LRTM2: variants seen among roughly 807,000 people sequenced by gnomAD.
LRTM2 encodes the protein leucine-rich repeat and transmembrane domain-containing protein 2.
A neutral mutation model predicts 28.1 loss-of-function variants in LRTM2; 18 were observed. That is an observed-to-expected ratio of 0.64 (90% CI 0.44 to 0.95). LRTM2 has a LOEUF of 0.95. Ranked by LOEUF, LRTM2 falls within the 40% of genes least tolerant of loss-of-function variation. LRTM2 has a pLI of 0.00. For missense variants in LRTM2, 436 were observed against 497.2 expected, an observed-to-expected ratio of 0.88 and a Z score of 1.17; for synonymous variants, 250 against 218.7, an observed-to-expected ratio of 1.14 and a Z score of -1.26.
chr12:1,830,526 C>A (rs1864574493), intron 3 of LRTM2, among the ~76,000 whole-genome samples: 1 of 152,200 alleles, frequency 6.6e-6, no homozygotes, highest in Admixed American at 6.5e-5. Context: ...GTTTCTCTGA[C>A]AACCTTATCT....
chr12:1,830,895 T>C, intron 3 of LRTM2, 40 bp from the exon 4 acceptor site: 1 of 1,518,694 alleles, frequency 6.6e-7, no homozygotes, highest in South Asian at 1.2e-5. Context: ...TGGTGACCCG[T>C]CCTATTGCTT....
chr12:1,828,121 C>T lies in LRTM2; in HGVS notation c.-28C>T, dbSNP rs1223230404. 1 of 1,511,320 alleles carries T rather than the reference C, an allele frequency of 6.6e-7. No individual in the cohort carries two copies. Among genetic ancestry groups the T allele is most frequent in the Non-Finnish European group, 8.9e-7 (1 of 1,126,954 alleles). 93.6% of individuals were successfully genotyped at this position (1,511,320 alleles called of 1,614,324 possible). A position where few individuals can be genotyped will look rare whatever the true frequency, so the allele number is the denominator to read the frequency against. On this transcript the variant is annotated 5_prime_UTR_variant, in exon 3 of 5. Coordinates refer to ENST00000299194, the MANE Select transcript of LRTM2 (RefSeq NM_001039029.3). This position sits in a 1 kb window ranked among gnomAD's most constrained non-coding sequence, Gnocchi z 4.2. Reference sequence around the variant, plus strand: ...AGGGGCTCCTCTCTCCCCAGAGCGACAGGGCCCGGAGAGCCGTGGGCCTCA... The same window carrying T: ...AGGGGCTCCTCTCTCCCCAGAGCGATAGGGCCCGGAGAGCCGTGGGCCTCA...
At position 1,834,163 on chromosome 12, in the gene LRTM2, A is replaced by G; in HGVS notation, c.659-104A>G. ...TTCCAGGATTGACTACATTGCTGAT[A>G]AAAACTACCTTCTGGGGCTTCCGTT... On this transcript the variant is annotated intron_variant, in intron 4 of 4. Transcript: ENST00000299194. The surrounding 1 kb of genome is among the most constrained non-coding windows in gnomAD (Gnocchi z 7.6). 1 of 1,347,264 alleles carries G rather than the reference A, an allele frequency of 7.4e-7. No homozygotes were observed. Among genetic ancestry groups the G allele is most frequent in the African/African-American group, 1.5e-5 (1 of 68,308 alleles). The allele number at this position is 1,347,264 out of a possible 1,614,324, so 83.5% of individuals were successfully genotyped here.
Position 1,836,073 on chromosome 12 carries a change from C to T in LRTM2, c.*1352C>T, listed in dbSNP as rs969571566. 2 of 152,252 alleles carry T rather than the reference C, an allele frequency of 1.3e-5. No homozygotes were observed. Among genetic ancestry groups the T allele is most frequent in the Non-Finnish European group, 2.9e-5 (2 of 68,058 alleles). 9.4% of individuals were successfully genotyped at this position (152,252 alleles called of 1,614,324 possible). A position where few individuals can be genotyped will look rare whatever the true frequency, so the allele number is the denominator to read the frequency against. The stretch of plus-strand genomic sequence containing the variant: ...TGGCCACGTGCTGCCCAGAGGCTCC[C>T]AGGATGGGGCCTCTGTTCCCGGGCT... On this transcript the variant is annotated 3_prime_UTR_variant, in exon 5 of 5. Coordinates refer to ENST00000299194, the MANE Select transcript of LRTM2 (RefSeq NM_001039029.3).
At position 1,827,547 on chromosome 12, in the gene LRTM2, C is replaced by CGCGGCT. The variant is rs1204042703; in HGVS notation, c.-118_-113dup. The CGCGGCT allele has an allele frequency of 6.5e-6, 1 of 152,940 alleles. No individual in the cohort carries two copies. Among genetic ancestry groups the CGCGGCT allele is most frequent in the Non-Finnish European group, 1.5e-5 (1 of 68,266 alleles). The allele number at this position is 152,940 out of a possible 1,614,324, so 9.5% of individuals were successfully genotyped here. A position where few individuals can be genotyped will look rare whatever the true frequency, so the allele number is the denominator to read the frequency against. On this transcript the variant is annotated 5_prime_UTR_variant, in exon 2 of 5. Coordinates refer to ENST00000299194, the MANE Select transcript of LRTM2 (RefSeq NM_001039029.3). ...AGGCCATCCAGCGGCTCACACCCTA[C>CGCGGCT]GCGGCTGCAGCTGCCAAGGGCCTGG... is the stretch of plus-strand genomic sequence containing the variant.
Position 1,828,030 on chromosome 12 carries a change from C to A in LRTM2, c.-73-46C>A. ...CCTCTCCCTAACCCCTGGGCTGGAA[C>A]GGGGCTCCCGCGCCTGCCTGTGCTC... is the stretch of plus-strand genomic sequence containing the variant. On this transcript the variant is annotated intron_variant, in intron 2 of 4. Coordinates refer to ENST00000299194, the MANE Select transcript of LRTM2 (RefSeq NM_001039029.3). The surrounding 1 kb of genome is among the most constrained non-coding windows in gnomAD (Gnocchi z 4.2). 4.4e-6 allele frequency: 4 copies of A among 902,046 alleles called. No individual in the cohort carries two copies. Among genetic ancestry groups the A allele is most frequent in the Admixed American group, 3.4e-5 (1 of 29,490 alleles). The allele number at this position is 902,046 out of a possible 1,614,324, so 55.9% of individuals were successfully genotyped here. A position where few individuals can be genotyped will look rare whatever the true frequency, so the allele number is the denominator to read the frequency against.
Position 1,831,476 on chromosome 12 carries a change from C to A in LRTM2, c.609C>A (p.Asp203Glu). 1 of 1,613,990 alleles carries A rather than the reference C, an allele frequency of 6.2e-7. No homozygotes were observed. The highest frequency in any genetic ancestry group is 1.1e-5 in the South Asian group (1 of 91,084). Residue 203 changes from aspartate to glutamate, a missense_variant, in exon 4 of 5, where the codon GAC (aspartate) becomes GAA (glutamate). By Grantham distance (45) the Asp-to-Glu change is conservative. Transcript: ENST00000299194. ...TCGGGGATAACCCCTGGGAGTGTGA[C>A]TGTAACCTGCGTGAGTTCAAACACT... The part of the protein sequence containing the change: ...LQVGDNPWEC[D>E]CNLREFKHWM...
At chr12:1,821,795 G>A (rs1415012699) in intron 1 of LRTM2, among the ~76,000 whole-genome samples, 1 of 152,164 alleles carries the variant, frequency 6.6e-6, no homozygotes, top group Non-Finnish European at 1.5e-5. Flanking sequence ...CCTCCCTGCA[G>A]GTCTGGGGCT....
chr12:1,821,048 G>C (rs1175183715), intron 1 of LRTM2, among the ~76,000 whole-genome samples: 1 of 152,248 alleles, frequency 6.6e-6, no homozygotes, highest in Non-Finnish European at 1.5e-5. Flanking sequence ...AAGAGCTGTG[G>C]ATTCTGCTGG....
chr12:1,824,531 C>T (rs945690663), intron 1 of LRTM2, among the ~76,000 whole-genome samples: 1 of 152,200 alleles, frequency 6.6e-6, no homozygotes, highest in South Asian at 2.1e-4. Context: ...TCTTTGGCCT[C>T]CCTGTCTCTA....
At chr12:1,821,133 G>A (rs781399171) in intron 1 of LRTM2, among the ~76,000 whole-genome samples, 4 of 152,228 alleles carry the variant, frequency 2.6e-5, no homozygotes, top group Non-Finnish European at 4.4e-5. Flanking sequence ...TGCAGCATGG[G>A]AGAAGCAGCC....
rs1185813789 is a variant in LRTM2, at chr12:1,828,349, C to T, written c.67+134C>T. On this transcript the variant is annotated intron_variant, in intron 3 of 4. Coordinates refer to ENST00000299194, the MANE Select transcript of LRTM2 (RefSeq NM_001039029.3). The surrounding 1 kb of genome is among the most constrained non-coding windows in gnomAD (Gnocchi z 4.2). Reference sequence around the variant, plus strand: ...CTACGCCAGATCTTCCTGGGGTACCCGAGGCTATGTTCTGGGAAGCCAGGG... The same window carrying T: ...CTACGCCAGATCTTCCTGGGGTACCTGAGGCTATGTTCTGGGAAGCCAGGG... 18 of 728,762 alleles carry T rather than the reference C, an allele frequency of 2.5e-5. No individual in the cohort carries two copies. The highest frequency in any genetic ancestry group is 9.2e-5 in the African/African-American group (5 of 54,448). The allele number at this position is 728,762 out of a possible 1,614,324, so 45.1% of individuals were successfully genotyped here.
rs1555177895 is a variant in LRTM2 at position 1,826,410 on chromosome 12, C to CT, written c.-258-1000_-258-999insT. Among the ~76,000 whole-genome samples, 15 of 79,322 alleles carry CT rather than the reference C, an allele frequency of 1.9e-4. No individual in the cohort carries two copies. In the East Asian group the frequency reaches 5.3e-3, roughly 28 times the overall value. The allele number at this position is 79,322 out of a possible 152,430, so 52.0% of individuals were successfully genotyped here. On this transcript the variant is annotated intron_variant, in intron 1 of 4. Coordinates refer to ENST00000299194, the MANE Select transcript of LRTM2 (RefSeq NM_001039029.3). ...AGATTTGAACCCAGAGCCCCCCCCC[C>CT]CCCCCCGCCAACTGGCACCAGGAGC... is the stretch of plus-strand genomic sequence containing the variant.
chr12:1,833,428 C>T lies in LRTM2; in HGVS notation c.659-839C>T, dbSNP rs1864717600. Reference sequence around the variant, plus strand: ...TCTCTCTCACCCCAGCCCTGTCCTGCATCTGTGTCTCCCTCTGTCCAAGCC... The same window carrying T: ...TCTCTCTCACCCCAGCCCTGTCCTGTATCTGTGTCTCCCTCTGTCCAAGCC... On this transcript the variant is annotated intron_variant, in intron 4 of 4. Coordinates refer to ENST00000299194, the MANE Select transcript of LRTM2 (RefSeq NM_001039029.3). This position sits in a 1 kb window ranked among gnomAD's most constrained non-coding sequence, Gnocchi z 4.2. Among the ~76,000 whole-genome samples, 1 of 152,178 alleles carries T rather than the reference C, an allele frequency of 6.6e-6. No individual in the cohort carries two copies. Among genetic ancestry groups the T allele is most frequent in the Non-Finnish European group, 1.5e-5 (1 of 68,032 alleles).
intron 1 of LRTM2, among the ~76,000 whole-genome samples, chr12:1,821,374 G>C (rs1393086090): frequency 6.6e-6 from 1 of 152,188 alleles, no homozygotes; most frequent in Admixed American, 6.5e-5. Context: ...CTTGGACAAG[G>C]GTGTGGAGGA....
In LRTM2 at chr12:1,831,401, T is replaced by A. The variant is rs373578062; in HGVS notation, c.534T>A (p.Asn178Lys). ...SLSLRSNRLQ[N>K]LDRLTFEPLA... ...CGCTTCGCTCCAACCGTCTGCAGAA[T>A]CTGGACCGGCTGACATTTGAACCCC... Residue 178 changes from asparagine (N) to lysine (K), a missense_variant, in exon 4 of 5, where the codon AAT becomes AAA. Coordinates refer to ENST00000299194, the MANE Select transcript of LRTM2 (RefSeq NM_001039029.3). 4 of 1,614,088 alleles carry A rather than the reference T, an allele frequency of 2.5e-6. No homozygotes were observed. In the East Asian group the frequency reaches 8.9e-5, roughly 36 times the overall value.
In LRTM2 at chr12:1,829,020, C is replaced by A. The variant is rs1254663236; in HGVS notation, c.67+805C>A. ...TGATCCAGCACCCAACACGGGCAGC[C>A]TGAATTATTCACCATGTGAGAGAGG... On this transcript the variant is annotated intron_variant, in intron 3 of 4. Coordinates refer to ENST00000299194, the MANE Select transcript of LRTM2 (RefSeq NM_001039029.3). The surrounding 1 kb of genome is among the most constrained non-coding windows in gnomAD (Gnocchi z 4.2). 1.3e-5 allele frequency among the ~76,000 whole-genome samples: 2 copies of A among 152,232 alleles called. No individual in the cohort carries two copies. The highest frequency in any genetic ancestry group is 4.8e-5 in the African/African-American group (2 of 41,456).
chr12:1,835,382 A>G lies in LRTM2; in HGVS notation c.*661A>G, dbSNP rs1192631368. On this transcript the variant is annotated 3_prime_UTR_variant, in exon 5 of 5. Coordinates refer to ENST00000299194, the MANE Select transcript of LRTM2 (RefSeq NM_001039029.3). ...GATTCGCTAATTCACTCACACACCCATTGCATCACCAGTGCGGTCACATGG... is the reference window on the plus strand; with the variant it reads ...GATTCGCTAATTCACTCACACACCCGTTGCATCACCAGTGCGGTCACATGG... 6.6e-6 allele frequency: 1 copy of G among 152,406 alleles called. No individual in the cohort carries two copies. The highest frequency in any genetic ancestry group is 1.5e-5 in the Non-Finnish European group (1 of 68,350). The allele number at this position is 152,406 out of a possible 1,614,324, so 9.4% of individuals were successfully genotyped here. A position where few individuals can be genotyped will look rare whatever the true frequency, so the allele number is the denominator to read the frequency against.
chr12:1,825,513 G>A (rs1864277273), intron 1 of LRTM2, among the ~76,000 whole-genome samples: 1 of 152,212 alleles, frequency 6.6e-6, no homozygotes, highest in Admixed American at 6.5e-5. Flanking sequence ...GTCTGTTGGG[G>A]GCATTTGGGA....
Sources: gnomAD v4.1 joint callset for allele counts (sites outside exome capture counted in the v4.1 genomes callset) on GRCh38, gnomAD v4.1.1 for gene constraint, Gnocchi (gnomAD v3.1) non-coding constraint, MANE v1.5 for transcripts, NCBI Gene and HGNC (gene_info 2026-07-23, HGNC 2026-07-21) for gene names.